GIGYF2: variants seen among roughly 807,000 people sequenced by gnomAD.
GIGYF2 encodes GRB10 interacting GYF protein 2.
In GIGYF2, 25 loss-of-function variants were observed where a neutral mutation model predicts 208.1. That is an observed-to-expected ratio of 0.12 (90% CI 0.09 to 0.17). GIGYF2 has a LOEUF of 0.17. Ranked by LOEUF, GIGYF2 falls within the 10% of genes least tolerant of loss-of-function variation. The pLI is 1.00. For missense variants in GIGYF2, 1,302 were observed against 1,579.4 expected (o/e 0.82, Z 2.98); for synonymous variants, 534 against 543.8 (o/e 0.98, Z 0.25).
rs1374210335 is a variant in GIGYF2, at chr2:232,753,111, A to AT, written c.268-3109dup. ...TACACTTGACAGTATTTATTTATTTATTTATTTATTTATTTATTTATTTAT... is the reference window on the plus strand; with the variant it reads ...TACACTTGACAGTATTTATTTATTTATTTTATTTATTTATTTATTTATTTAT... On this transcript the variant is annotated intron_variant, in intron 5 of 28. Transcript: ENST00000373563. Among the ~76,000 whole-genome samples, 4 of 149,596 alleles carry AT rather than the reference A, an allele frequency of 2.7e-5. No individual in the cohort carries two copies. The East Asian group carries it at 5.9e-4, about 22-fold the overall frequency.
chr2:232,823,955 ATTT>A (rs1193684194), intron 21 of GIGYF2, among the ~76,000 whole-genome samples: 1 of 151,816 alleles, frequency 6.6e-6, no homozygotes, highest in African/African-American at 2.4e-5. Flanking sequence ...AATGTTTCAG[ATTT>A]TTTTTACTGT....
chr2:232,843,594 C>T (rs1346453378), intron 23 of GIGYF2, among the ~76,000 whole-genome samples: 1 of 147,814 alleles, frequency 6.8e-6, no homozygotes, highest in Non-Finnish European at 1.5e-5. Context: ...AATTCTGAGG[C>T]CGGGCACTGT....
At chr2:232,773,685 A>G (rs1699377873) in intron 8 of GIGYF2, among the ~76,000 whole-genome samples, 1 of 152,080 alleles carries the variant, frequency 6.6e-6, no homozygotes, top group African/African-American at 2.4e-5. Flanking sequence ...ATTAGCTAAT[A>G]TATATATTGT....
chr2:232,818,362 T>G (rs1288697746), intron 20 of GIGYF2, among the ~76,000 whole-genome samples: 1 of 152,208 alleles, frequency 6.6e-6, no homozygotes, highest in African/African-American at 2.4e-5. Flanking sequence ...ATAAGACACA[T>G]TTTATTTTTC....
chr2:232,831,290 T>A (rs1206111445), intron 21 of GIGYF2, among the ~76,000 whole-genome samples: 1 of 152,242 alleles, frequency 6.6e-6, no homozygotes, highest in Non-Finnish European at 1.5e-5. Flanking sequence ...TTGCTTACTT[T>A]TGCCTGTGTT....
At chr2:232,796,965 G>A (rs998723352) in intron 14 of GIGYF2, among the ~76,000 whole-genome samples, 2 of 152,052 alleles carry the variant, frequency 1.3e-5, no homozygotes, top group Admixed American at 1.3e-4. Flanking sequence ...CGTTTAAGAC[G>A]CTCAGCTCTG....
At chr2:232,818,457 T>C (rs1440555341) in intron 20 of GIGYF2, among the ~76,000 whole-genome samples, 1 of 152,200 alleles carries the variant, frequency 6.6e-6, no homozygotes, top group Non-Finnish European at 1.5e-5. Context: ...TTGTATGTGG[T>C]GTGAGATGAG....
At chr2:232,847,750 C>T (rs972592023) in intron 27 of GIGYF2, among the ~76,000 whole-genome samples, 179 bp downstream of exon 27, 4 of 152,100 alleles carry the variant, frequency 2.6e-5, no homozygotes, top group African/African-American at 9.7e-5. Context: ...TGTGTATCTC[C>T]CAAATAGCAA....
intron 5 of GIGYF2, among the ~76,000 whole-genome samples, chr2:232,752,059 T>A (rs1698353173): frequency 6.6e-6 from 1 of 152,212 alleles, no homozygotes; most frequent in Non-Finnish European, 1.5e-5. Context: ...TGGGAGGTTT[T>A]CACTGTGGCC....
At chr2:232,746,634 T>C (rs1209906874) in intron 3 of GIGYF2, among the ~76,000 whole-genome samples, 2 of 152,200 alleles carry the variant, frequency 1.3e-5, no homozygotes, top group African/African-American at 2.4e-5. Context: ...TAGTCCCTTT[T>C]CCCCAAGTTC....
rs1491247089 is a variant in GIGYF2 at position 232,697,359 on chromosome 2, CTG to C, written c.-142_-141del. The C allele has an allele frequency of 6.6e-6, 1 of 152,490 alleles. No homozygotes were observed. The highest frequency in any genetic ancestry group is 1.5e-5 in the Non-Finnish European group (1 of 68,270). The allele number at this position is 152,490 out of a possible 1,614,324, so 9.4% of individuals were successfully genotyped here. A position where few individuals can be genotyped will look rare whatever the true frequency, so the allele number is the denominator to read the frequency against. On this transcript the variant is annotated 5_prime_UTR_variant, in exon 1 of 29. Transcript: ENST00000373563. ...TTGTGTTGTTGAGGCTGAGGACTGA[CTG>C]GGGTTCTGAGACTCCCTGTCCCGGA...
In GIGYF2 at chr2:232,836,293, T is replaced by C. The variant is rs1237148025; in HGVS notation, c.2766+3200T>C. On this transcript the variant is annotated intron_variant, in intron 22 of 28. Coordinates refer to ENST00000373563, the MANE Select transcript of GIGYF2 (RefSeq NM_001103146.3). ...ATATATATATATATATATATATATA[T>C]ATATATATATATATATATATATATA... Among the ~76,000 whole-genome samples the C allele has an allele frequency of 8.3e-3, 205 of 24,620 alleles. 10 individuals carry two copies. Among genetic ancestry groups the C allele is most frequent in the African/African-American group, 0.034 (187 of 5,516 alleles). 16.2% of individuals were successfully genotyped at this position (24,620 alleles called of 152,430 possible). A position where few individuals can be genotyped will look rare whatever the true frequency, so the allele number is the denominator to read the frequency against.
At chr2:232,760,190 A>G (rs1236048768) in intron 6 of GIGYF2, 1 of 269,814 alleles carries the variant, frequency 3.7e-6, no homozygotes, top group Non-Finnish European at 7.2e-6. Context: ...GAATTTCACT[A>G]TTCAACTGTT....
intron 2 of GIGYF2, among the ~76,000 whole-genome samples, chr2:232,728,809 G>A (rs1697322108): frequency 6.6e-6 from 1 of 152,144 alleles, no homozygotes; most frequent in Non-Finnish European, 1.5e-5. Flanking sequence ...GCTGGTAATG[G>A]AGGAAAAGGG....
At position 232,844,559 on chromosome 2, in the gene GIGYF2, A is replaced by C; in HGVS notation, c.3290A>C (p.Asn1097Thr). 6.2e-7 allele frequency: 1 copy of C among 1,612,364 alleles called. No individual in the cohort carries two copies. Among genetic ancestry groups the C allele is most frequent in the Non-Finnish European group, 8.5e-7 (1 of 1,178,660 alleles). The change falls in exon 25 of 29, where the codon AAC becomes ACC. Residue 1097 changes from asparagine (N) to threonine (T), a missense_variant. Physicochemically the swap from Asn to Thr is moderately conservative, Grantham distance 65. Transcript: ENST00000373563. Reference sequence around the variant, plus strand: ...AGGAATTCAACAAATAAAAATAAAAACAACGCCAGTCTCAGGTAGGGCTCA... The same window carrying C: ...AGGAATTCAACAAATAAAAATAAAACCAACGCCAGTCTCAGGTAGGGCTCA... Reference protein sequence around the residue: ...GPRNSTNKNKNNASLSKSVGV... With the variant: ...GPRNSTNKNKTNASLSKSVGV...
Position 232,839,907 on chromosome 2 carries a change from C to T in GIGYF2, c.2825C>T (p.Ala942Val), listed in dbSNP as rs1559162972. 1 of 1,613,158 alleles carries T rather than the reference C, an allele frequency of 6.2e-7. No homozygotes were observed. Among genetic ancestry groups the T allele is most frequent in the Non-Finnish European group, 8.5e-7 (1 of 1,179,238 alleles). ...AATACAACAGCATGTCAGTCCCAGGCCACGCTGTCGTTGGCTGAAATCCAA... is the reference window on the plus strand; with the variant it reads ...AATACAACAGCATGTCAGTCCCAGGTCACGCTGTCGTTGGCTGAAATCCAA... ...QSNTTACQSQ[A>V]TLSLAEIQKL... Residue 942 changes from alanine (A) to valine (V), a missense_variant, in exon 23 of 29, where the codon GCC becomes GTC. Coordinates refer to ENST00000373563, the MANE Select transcript of GIGYF2 (RefSeq NM_001103146.3).
In GIGYF2 at chr2:232,858,899, C is replaced by T. The variant is rs1690672469; in HGVS notation, c.*2039C>T. 8.6e-6 allele frequency: 2 copies of T among 232,174 alleles called. No homozygotes were observed. Among genetic ancestry groups the T allele is most frequent in the East Asian group, 1.1e-4 (1 of 8,906 alleles). The allele number at this position is 232,174 out of a possible 1,614,324, so 14.4% of individuals were successfully genotyped here. On this transcript the variant is annotated 3_prime_UTR_variant, in exon 29 of 29. Coordinates refer to ENST00000373563, the MANE Select transcript of GIGYF2 (RefSeq NM_001103146.3). ...CTCCTGCCCTCATACCGCAGACACA[C>T]CCACTCTGAACACACCCCTCCAGAG...
chr2:232,836,336 A>T (rs369860388), intron 22 of GIGYF2, among the ~76,000 whole-genome samples: 8,461 of 42,618 alleles, frequency 0.2, 2,294 homozygotes, highest in Non-Finnish European at 0.28. Flanking sequence ...ATATACATAT[A>T]TATACTTATA....
chr2:232,782,146 C>G (rs530610238), intron 8 of GIGYF2, among the ~76,000 whole-genome samples: 16 of 152,046 alleles, frequency 1.1e-4, no homozygotes, highest in Non-Finnish European at 2.2e-4. Flanking sequence ...TTAATGGTTG[C>G]TAGATGTTTG....
Sources: allele counts gnomAD v4.1 joint callset (sites outside exome capture counted in the v4.1 genomes callset), GRCh38; gene constraint gnomAD v4.1.1; transcripts MANE v1.5; gene names NCBI Gene and HGNC (gene_info 2026-07-23, HGNC 2026-07-21).